PRKG1: variants seen among roughly 807,000 people sequenced by gnomAD.
The protein encoded by PRKG1 is cGMP-dependent protein kinase 1.
PRKG1 carries 35 observed loss-of-function variants against 88.1 expected under a neutral mutation model. The ratio of observed to expected loss-of-function variants is 0.40; its 90% confidence interval spans 0.30 to 0.53. The LOEUF is 0.53. Among genes scored for constraint, PRKG1 ranks in the 20% least tolerant of loss-of-function variants. PRKG1 has a pLI of 0.59. For synonymous variants in PRKG1, 303 were observed against 292.5 expected (o/e 1.04, Z -0.37); for missense variants, 540 against 839.8 (o/e 0.64, Z 4.41).
At chr10:51,488,281 A>T (rs1323869853) in intron 3 of PRKG1, among the ~76,000 whole-genome samples, 3 of 152,158 alleles carry the variant, frequency 2.0e-5, no homozygotes, top group Non-Finnish European at 4.4e-5. Context: ...TAACGTGACA[A>T]TTCTCTAGAT....
At chr10:51,552,442 A>G (rs1298514238) in intron 3 of PRKG1, among the ~76,000 whole-genome samples, 2 of 151,648 alleles carry the variant, frequency 1.3e-5, no homozygotes, top group African/African-American at 4.8e-5. Flanking sequence ...TATTTATTAA[A>G]GGTGAGTTCA....
In PRKG1 at chr10:51,851,231, G is replaced by A. The variant is rs111478205; in HGVS notation, c.698+46541G>A. Among the ~76,000 whole-genome samples the A allele has an allele frequency of 5.2e-3, 793 of 152,200 alleles. 6 individuals are homozygous for A. Among genetic ancestry groups the A allele is most frequent in the African/African-American group, 0.018 (765 of 41,518 alleles). The stretch of plus-strand genomic sequence containing the variant: ...TATTTGCTTAAATTTGCATAAAAAA[G>A]GACTGGAAAGATAAATAGTAAAAAT... On this transcript the variant is annotated intron_variant, in intron 4 of 17. Coordinates refer to ENST00000373980, the MANE Select transcript of PRKG1 (RefSeq NM_006258.4).
At chr10:52,074,565 A>G (rs888635053) in intron 7 of PRKG1, among the ~76,000 whole-genome samples, 1 of 152,160 alleles carries the variant, frequency 6.6e-6, no homozygotes, top group Non-Finnish European at 1.5e-5. Context: ...TGGACATAAA[A>G]ATGTTTCACT....
intron 5 of PRKG1, among the ~76,000 whole-genome samples, chr10:52,042,436 T>C (rs1279236951): frequency 6.6e-6 from 1 of 152,128 alleles, no homozygotes; most frequent in Admixed American, 6.5e-5. Flanking sequence ...AACAGCCAAC[T>C]GATTTTCAAC....
chr10:51,457,433 G>A (rs1839616002), intron 2 of PRKG1, among the ~76,000 whole-genome samples: 1 of 152,088 alleles, frequency 6.6e-6, no homozygotes. Context: ...GTGGGGAGGG[G>A]GAAAGGCGGG....
At chr10:52,056,245 A>C (rs986436347) in intron 6 of PRKG1, among the ~76,000 whole-genome samples, 1 of 152,206 alleles carries the variant, frequency 6.6e-6, no homozygotes, top group Non-Finnish European at 1.5e-5. Flanking sequence ...GTTTAGATTG[A>C]CTAAAGAATC....
At chr10:52,046,524 TGACA>T (rs1049625256) in intron 5 of PRKG1, among the ~76,000 whole-genome samples, 33 of 152,280 alleles carry the variant, frequency 2.2e-4, no homozygotes, top group African/African-American at 7.7e-4. Context: ...GATTACAATA[TGACA>T]GACACTGTGT....
At chr10:51,996,314 C>CAAAAAAAAAAAAAAAAA (rs59174399) in intron 5 of PRKG1, among the ~76,000 whole-genome samples, 2 of 30,026 alleles carry the variant, frequency 6.7e-5, no homozygotes, top group South Asian at 2.7e-3. Flanking sequence ...GACTCCATCT[C>CAAAAAAAAAAAAAAAAA]AAAAAAAAAA....
intron 9 of PRKG1, among the ~76,000 whole-genome samples, chr10:52,178,689 A>C (rs982726340): frequency 5.3e-5 from 8 of 152,266 alleles, no homozygotes; most frequent in African/African-American, 1.9e-4. Context: ...CATTAAATGC[A>C]TATAGATTTA....
At chr10:51,074,273 A>C, upstream of PRKG1, 12 of 257,186 alleles carry the variant, frequency 4.7e-5, no homozygotes, top group South Asian at 9.6e-5. Flanking sequence ...CTCCCCCGCC[A>C]CCGCGCCTCC....
chr10:51,905,766 T>G (rs1477387837), intron 4 of PRKG1, among the ~76,000 whole-genome samples: 2 of 152,190 alleles, frequency 1.3e-5, no homozygotes, highest in African/African-American at 4.8e-5. Context: ...TGGAGCAAAC[T>G]AAGCTAATAT....
At chr10:51,171,880 G>T (rs1371376062) in intron 2 of PRKG1, among the ~76,000 whole-genome samples, 1 of 152,038 alleles carries the variant, frequency 6.6e-6, no homozygotes, top group Non-Finnish European at 1.5e-5. Flanking sequence ...TTATGGAACA[G>T]AAATTGTTTT....
At chr10:52,212,601 G>A (rs1840007041) in intron 9 of PRKG1, among the ~76,000 whole-genome samples, 1 of 151,494 alleles carries the variant, frequency 6.6e-6, no homozygotes. Context: ...CTGTTGGGGG[G>A]AGAGGGGTGG....
intron 2 of PRKG1, among the ~76,000 whole-genome samples, chr10:51,164,584 A>G (rs1564623734): frequency 3.3e-5 from 5 of 152,252 alleles, no homozygotes; most frequent in Non-Finnish European, 7.3e-5. Context: ...AAGGCTTCAG[A>G]CAATCAAACT....
chr10:52,207,485 G>C (rs1839851082), intron 9 of PRKG1, among the ~76,000 whole-genome samples: 1 of 152,168 alleles, frequency 6.6e-6, no homozygotes, highest in Non-Finnish European at 1.5e-5. Flanking sequence ...GCTTTCTTCA[G>C]TTCTGACAGT....
chr10:51,341,940 C>T (rs974705550), intron 2 of PRKG1, among the ~76,000 whole-genome samples: 3 of 152,098 alleles, frequency 2.0e-5, no homozygotes, highest in African/African-American at 7.2e-5. Context: ...TATTCACTAC[C>T]ATGAGGACAG....
At chr10:51,997,403 G>A (rs1433405335) in intron 5 of PRKG1, among the ~76,000 whole-genome samples, 4 of 150,878 alleles carry the variant, frequency 2.7e-5, no homozygotes, top group Admixed American at 6.6e-5. Flanking sequence ...CCCGGGAGGC[G>A]GAGGTTGCAG....
At chr10:51,878,080 T>C (rs766503766) in intron 4 of PRKG1, among the ~76,000 whole-genome samples, 2 of 152,228 alleles carry the variant, frequency 1.3e-5, no homozygotes. Context: ...ATTCAATTTT[T>C]AAAAAATATT....
chr10:51,728,040 C>T (rs970292109), intron 3 of PRKG1, among the ~76,000 whole-genome samples: 31 of 152,168 alleles, frequency 2.0e-4, no homozygotes, highest in African/African-American at 7.5e-4. Context: ...AATAGTACCT[C>T]CTTCAGAGTT....
Sources: allele counts gnomAD v4.1 joint callset (sites outside exome capture counted in the v4.1 genomes callset), GRCh38; gene constraint gnomAD v4.1.1; transcripts MANE v1.5; gene names NCBI Gene and HGNC (gene_info 2026-07-23, HGNC 2026-07-21).